The following MYRFL variants were observed in gnomAD, a reference collection of about 807,000 sequenced individuals.
MYRFL encodes myelin regulatory factor like.
Under a neutral mutation model 109.4 loss-of-function variants are expected in MYRFL, and 88 were observed. That is an observed-to-expected ratio of 0.80 (90% CI 0.68 to 0.96). MYRFL has a LOEUF of 0.96. Ranked by LOEUF, MYRFL falls within the 40% of genes least tolerant of loss-of-function variation. The pLI is 0.00. For synonymous variants in MYRFL, 324 were observed against 320.9 expected (o/e 1.01, Z -0.10); for missense variants, 957 against 954.9 (o/e 1.00, Z -0.03).
chr12:69,847,033 T>C (rs1883600854), intron 1 of MYRFL, among the ~76,000 whole-genome samples: 1 of 152,084 alleles, frequency 6.6e-6, no homozygotes, highest in Non-Finnish European at 1.5e-5. Context: ...TTGCCCACTT[T>C]TTGATGGGGT....
chr12:69,847,396 A>G (rs1281117343), intron 1 of MYRFL, among the ~76,000 whole-genome samples: 2 of 152,206 alleles, frequency 1.3e-5, no homozygotes, highest in Admixed American at 6.5e-5. Context: ...TGTTTTTTTC[A>G]AAGAAAAAGT....
chr12:69,905,468 C>T (rs1954324673), intron 11 of MYRFL, among the ~76,000 whole-genome samples: 1 of 152,178 alleles, frequency 6.6e-6, no homozygotes, highest in South Asian at 2.1e-4. Context: ...CTCATGGCAG[C>T]ATGATAGAAT....
chr12:69,940,221 G>C (rs866830028), intron 19 of MYRFL, among the ~76,000 whole-genome samples: 3 of 151,866 alleles, frequency 2.0e-5, no homozygotes, highest in East Asian at 1.9e-4. Flanking sequence ...GATACTCCTC[G>C]AGAAGAGCAA....
chr12:69,934,638 A>G (rs907792109), intron 16 of MYRFL, among the ~76,000 whole-genome samples: 1 of 152,190 alleles, frequency 6.6e-6, no homozygotes, highest in Non-Finnish European at 1.5e-5. Flanking sequence ...TTATTGAGCA[A>G]AGAAAACAGC....
chr12:69,875,418 T>C lies in MYRFL; in HGVS notation c.138-3610T>C, dbSNP rs559555268. On this transcript the variant is annotated intron_variant, in intron 2 of 24. Coordinates refer to ENST00000552032, the MANE Select transcript of MYRFL (RefSeq NM_182530.3). The stretch of plus-strand genomic sequence containing the variant: ...CTTGTCTGCTCCATTTAGCTTCTTA[T>C]AGTAGCTGCTTTAAAGATCCTTGTC... 2.6e-5 allele frequency among the ~76,000 whole-genome samples: 4 copies of C among 152,346 alleles called. No homozygotes were observed. The East Asian group carries it at 7.7e-4, about 29-fold the overall frequency.
intron 1 of MYRFL, among the ~76,000 whole-genome samples, chr12:69,847,665 C>G (rs1436805258): frequency 2.0e-5 from 3 of 151,898 alleles, no homozygotes; most frequent in Admixed American, 2.0e-4. Flanking sequence ...TTCTCTCTCT[C>G]TCTTTAAAAA....
intron 10 of MYRFL, among the ~76,000 whole-genome samples, chr12:69,902,018 T>C (rs1047561749): frequency 6.6e-6 from 1 of 151,968 alleles, no homozygotes; most frequent in Non-Finnish European, 1.5e-5. Flanking sequence ...CTCAGCCTCC[T>C]GAGTAGCTGG....
intron 10 of MYRFL, among the ~76,000 whole-genome samples, chr12:69,901,689 G>A (rs74101380): frequency 0.16 from 23,990 of 152,038 alleles, 2,446 homozygotes; most frequent in African/African-American, 0.28. Flanking sequence ...CATACCTTTG[G>A]ATTTAGTTGA....
At chr12:69,951,732 ATCT>A (rs1955981326) in intron 19 of MYRFL, among the ~76,000 whole-genome samples, 1 of 152,120 alleles carries the variant, frequency 6.6e-6, no homozygotes, top group Non-Finnish European at 1.5e-5. Flanking sequence ...CTGGCTCCTA[ATCT>A]TCTGCTCTTA....
intron 1 of MYRFL, among the ~76,000 whole-genome samples, chr12:69,835,107 A>G (rs898183081): frequency 2.6e-5 from 4 of 152,182 alleles, no homozygotes; most frequent in African/African-American, 9.6e-5. Flanking sequence ...CAGTTTACCT[A>G]TGTTCTGTGA....
chr12:69,880,951 G>GTTTTTTTTTTTTTTTTTTTTTT (rs71094746), intron 5 of MYRFL, among the ~76,000 whole-genome samples: 3 of 112,634 alleles, frequency 2.7e-5, no homozygotes, highest in Admixed American at 1.0e-4. Context: ...CAGCCTTCCT[G>GTTTTTTTTTTTTTTTTTTTTTT]TTTTTTTTTT....
chr12:69,954,155 A>T (rs1486560014), intron 21 of MYRFL, among the ~76,000 whole-genome samples: 3 of 151,956 alleles, frequency 2.0e-5, no homozygotes, highest in Non-Finnish European at 4.4e-5. Flanking sequence ...ATGTGGTAAG[A>T]TGACATAGTG....
intron 9 of MYRFL, 119 bp from the exon 10 acceptor site, chr12:69,897,037 T>G: frequency 1.4e-6 from 1 of 728,390 alleles, no homozygotes; most frequent in Non-Finnish European, 2.4e-6. Flanking sequence ...AGGCAGTCTT[T>G]AAATAAGCAA....
intron 19 of MYRFL, 95 bp from the exon 20 acceptor site, chr12:69,952,018 A>G (rs1304692327): frequency 1.4e-5 from 13 of 958,672 alleles, no homozygotes; most frequent in Non-Finnish European, 1.7e-5. Context: ...GGGTGGGGGA[A>G]CACTCAACTC....
At chr12:69,880,056 A>G (rs1330191036) in intron 4 of MYRFL, 145 bp from the exon 5 acceptor site, 3 of 559,340 alleles carry the variant, frequency 5.4e-6, no homozygotes, top group Non-Finnish European at 9.5e-6. Context: ...CAAGGGAAAT[A>G]GTTTCAGCCT....
intron 5 of MYRFL, among the ~76,000 whole-genome samples, chr12:69,886,208 G>A (rs148480068): frequency 2.4e-3 from 370 of 152,304 alleles, no homozygotes; most frequent in Non-Finnish European, 3.9e-3. Context: ...TTAGAATTGG[G>A]TCCCAGAACT....
intron 13 of MYRFL, among the ~76,000 whole-genome samples, chr12:69,920,780 C>T (rs746614337): frequency 3.3e-5 from 5 of 152,198 alleles, no homozygotes; most frequent in Non-Finnish European, 7.3e-5. Flanking sequence ...AAGGGATACC[C>T]ACTCTGAGCT....
At chr12:69,916,460 G>T (rs1354800577) in intron 13 of MYRFL, among the ~76,000 whole-genome samples, 2 of 152,106 alleles carry the variant, frequency 1.3e-5, no homozygotes, top group South Asian at 2.1e-4. Context: ...TCCATGATAT[G>T]CAGTTAAACA....
At chr12:69,869,201 T>TG (rs1215387868) in intron 2 of MYRFL, among the ~76,000 whole-genome samples, 1 of 152,214 alleles carries the variant, frequency 6.6e-6, no homozygotes. Flanking sequence ...GTGTGGTGGG[T>TG]ACAGTCTGCC....
Sources: gnomAD v4.1 joint callset for allele counts (sites outside exome capture counted in the v4.1 genomes callset) on GRCh38, gnomAD v4.1.1 for gene constraint, MANE v1.5 for transcripts, NCBI Gene and HGNC (gene_info 2026-07-23, HGNC 2026-07-21) for gene names.